The following NASP variants were observed in gnomAD, a reference collection of about 807,000 sequenced individuals.
NASP encodes the protein nuclear autoantigenic sperm protein.
A neutral mutation model predicts 89.5 loss-of-function variants in NASP; 24 were observed. That is an observed-to-expected ratio of 0.27 (90% CI 0.19 to 0.38). The LOEUF is 0.38. Ranked by LOEUF, NASP falls within the 10% of genes least tolerant of loss-of-function variation. The probability of loss-of-function intolerance (pLI) is 1.00; values close to 1 mark genes in which losing one functional copy is unlikely to be tolerated. For missense variants in NASP, 848 were observed against 921.4 expected, an observed-to-expected ratio of 0.92 and a Z score of 1.03; for synonymous variants, 306 against 324.7, an observed-to-expected ratio of 0.94 and a Z score of 0.62.
In NASP at chr1:45,608,180, G is replaced by A. The variant is rs1436696199; in HGVS notation, c.1269G>A (p.Glu423=). The change falls in exon 6 of 15, where the codon GAG becomes GAA. Residue 423 remains glutamate, a synonymous_variant. Transcript: ENST00000350030. The part of the protein sequence containing the change: ...KVRAKLVPSQ[E]ETKLSVEESE... ...GGGCAAAGCTGGTTCCTAGTCAGGA[G>A]GAGACTAAGCTGTCTGTAGAAGAGT... The A allele has an allele frequency of 1.9e-6, 3 of 1,614,206 alleles. No individual in the cohort carries two copies. In the East Asian group the frequency reaches 6.7e-5, roughly 36 times the overall value.
intron 5 of NASP, 102 bp from the exon 6 acceptor site, chr1:45,607,218 AG>A (rs778874670): frequency 3.5e-5 from 42 of 1,205,928 alleles, no homozygotes; most frequent in Non-Finnish European, 4.6e-5. Context: ...GAAACTTGGT[AG>A]GCTTTTTGAG....
At chr1:45,615,567 G>A (rs2148374082) in intron 11 of NASP, 96 bp downstream of exon 11, 1 of 1,169,468 alleles carries the variant, frequency 8.6e-7, no homozygotes, top group Non-Finnish European at 1.2e-6. Flanking sequence ...TGGTTTCCAG[G>A]GAGTTGGTGG....
intron 2 of NASP, among the ~76,000 whole-genome samples, chr1:45,598,120 T>G (rs1345880888): frequency 6.6e-6 from 1 of 152,046 alleles, no homozygotes; most frequent in Non-Finnish European, 1.5e-5. Flanking sequence ...ATTTCTCAGC[T>G]CTCTGAGTTA....
Position 45,618,280 on chromosome 1 carries a change from T to C in NASP, c.*139T>C, listed in dbSNP as rs1291229727. On this transcript the variant is annotated 3_prime_UTR_variant, in exon 15 of 15. Coordinates refer to ENST00000350030, the MANE Select transcript of NASP (RefSeq NM_002482.4). ...GCTTTGATGGTTTTTTTCTTAATTA[T>C]TGGCTGAATCTGCCTTGGAGCACTG... 2.9e-6 allele frequency: 2 copies of C among 699,892 alleles called. No homozygotes were observed. The highest frequency in any genetic ancestry group is 4.7e-6 in the Non-Finnish European group (2 of 423,482). The allele number at this position is 699,892 out of a possible 1,614,324, so 43.4% of individuals were successfully genotyped here.
chr1:45,597,697 G>GC (rs1317030936), intron 2 of NASP, among the ~76,000 whole-genome samples: 1 of 152,068 alleles, frequency 6.6e-6, no homozygotes, highest in Non-Finnish European at 1.5e-5. Context: ...GAGGCTTTTT[G>GC]GGGGGCTTCA....
At position 45,602,328 on chromosome 1, in the gene NASP, G is replaced by A; in HGVS notation, c.181G>A (p.Ala61Thr). The A allele has an allele frequency of 6.2e-7, 1 of 1,613,656 alleles. No individual in the cohort carries two copies. The highest frequency in any genetic ancestry group is 8.5e-7 in the Non-Finnish European group (1 of 1,179,694). ...ACATCTGGTGATGGGGGATATTCCA[G>A]CAGCTGTCAATGCATTCCAGGAAGC... ...QKHLVMGDIP[A>T]AVNAFQEAAS... Residue 61 changes from alanine (A) to threonine (T), a missense_variant, in exon 3 of 15, where the codon GCA becomes ACA. By Grantham distance (58) the Ala-to-Thr change is moderately conservative. Coordinates refer to ENST00000350030, the MANE Select transcript of NASP (RefSeq NM_002482.4).
intron 6 of NASP, 61 bp from the exon 7 acceptor site, chr1:45,613,108 T>C: frequency 6.5e-7 from 1 of 1,547,266 alleles, no homozygotes; most frequent in African/African-American, 1.4e-5. Flanking sequence ...TATTGGAATC[T>C]CTGACTAGTC....
chr1:45,607,144 T>C, intron 5 of NASP, 177 bp from the exon 6 acceptor site: 1 of 641,354 alleles, frequency 1.6e-6, no homozygotes, highest in Non-Finnish European at 2.7e-6. Context: ...AGTAAGTTGC[T>C]CTGCTAGCCG....
chr1:45,617,116 T>G, intron 13 of NASP: 1 of 307,284 alleles, frequency 3.3e-6, no homozygotes, highest in Non-Finnish European at 6.1e-6. Context: ...GTGCTGGGAT[T>G]ATAAGCGTGA....
In NASP at chr1:45,607,521, G is replaced by C. The variant is rs921079372; in HGVS notation, c.610G>C (p.Asp204His). The change falls in exon 6 of 15, where the codon GAT (aspartate) becomes CAT (histidine). Residue 204 changes from aspartate (D) to histidine (H), a missense_variant. Asp to His is a moderately conservative substitution (Grantham distance 81, BLOSUM62 -1). This residue lies in a region of NASP where 464 missense variants were observed against 469.4 expected (regional missense o/e 0.99). Transcript: ENST00000350030. ...ACAGGAAAAAGTTGACTTGACTCTA[G>C]ATTGGTTAACTGAAACCTCTGAAGA... ...EPQEKVDLTL[D>H]WLTETSEEAK... The C allele has an allele frequency of 1.2e-6, 2 of 1,614,076 alleles. No individual in the cohort carries two copies. Among genetic ancestry groups the C allele is most frequent in the Non-Finnish European group, 1.7e-6 (2 of 1,179,978 alleles).
At position 45,608,343 on chromosome 1, in the gene NASP, C is replaced by G; in HGVS notation, c.1426+6C>G. The G allele has an allele frequency of 6.3e-7, 1 of 1,596,582 alleles. No homozygotes were observed. Among genetic ancestry groups the G allele is most frequent in the South Asian group, 1.1e-5 (1 of 88,702 alleles). ...ACAGATGAAAGAGGGTGAAGGTAAC[C>G]GGGATATGCAAGAGCTGCAGTGGGT... On this transcript the variant is annotated splice_donor_region_variant and intron_variant, in intron 6 of 14. Transcript: ENST00000350030.
intron 1 of NASP, among the ~76,000 whole-genome samples, chr1:45,587,334 G>A (rs1330733112): frequency 1.3e-5 from 2 of 151,054 alleles, no homozygotes; most frequent in Non-Finnish European, 3.0e-5. Flanking sequence ...CTGCAGGTGT[G>A]TACCACCACA....
At chr1:45,586,239 C>CGTGTGTGTGTGTGTGTGT (rs537983711) in intron 1 of NASP, among the ~76,000 whole-genome samples, 64 of 110,284 alleles carry the variant, frequency 5.8e-4, no homozygotes, top group Middle Eastern at 4.3e-3. Flanking sequence ...CCTACCGTGC[C>CGTGTGTGTGTGTGTGTGT]GTGTGTGTGT....
chr1:45,608,111 A>G lies in NASP; in HGVS notation c.1200A>G (p.Arg400=). The change falls in exon 6 of 15, where the codon AGA becomes AGG. Residue 400 remains arginine, a synonymous_variant. Coordinates refer to ENST00000350030, the MANE Select transcript of NASP (RefSeq NM_002482.4). ...TPIEPQTSIE[R]LTETKDGSGL... is the part of the protein sequence containing the mutation. The stretch of plus-strand genomic sequence containing the variant: ...TTGAACCACAGACTTCTATAGAAAG[A>G]CTGACAGAAACAAAAGATGGCTCAG... 1 of 1,614,020 alleles carries G rather than the reference A, an allele frequency of 6.2e-7. No homozygotes were observed. Among genetic ancestry groups the G allele is most frequent in the African/African-American group, 1.3e-5 (1 of 75,044 alleles).
chr1:45,598,377 CCAGTCA>C (rs1452841587), intron 2 of NASP, among the ~76,000 whole-genome samples: 1 of 152,108 alleles, frequency 6.6e-6, no homozygotes, highest in African/African-American at 2.4e-5. Flanking sequence ...GCCATGTTGG[CCAGTCA>C]CTGTGCCTGG....
At chr1:45,613,444 C>T (rs1318983766) in intron 7 of NASP, among the ~76,000 whole-genome samples, 196 bp downstream of exon 7, 1 of 152,156 alleles carries the variant, frequency 6.6e-6, no homozygotes, top group Non-Finnish European at 1.5e-5. Context: ...CCAACATGCC[C>T]AGCTAGTTTG....
intron 1 of NASP, among the ~76,000 whole-genome samples, chr1:45,590,736 A>G (rs1194575793): frequency 1.5e-5 from 2 of 137,738 alleles, no homozygotes; most frequent in East Asian, 2.1e-4. Flanking sequence ...TCTCCCTGAC[A>G]TTGTATTTAA....
chr1:45,587,277 C>T (rs1311818725), intron 1 of NASP, among the ~76,000 whole-genome samples: 4 of 152,028 alleles, frequency 2.6e-5, no homozygotes, highest in African/African-American at 9.6e-5. Flanking sequence ...CCTCCGCCCT[C>T]CCGGATTCAA....
intron 9 of NASP, 89 bp downstream of exon 9, chr1:45,614,455 T>C (rs1644067973): frequency 2.8e-6 from 3 of 1,054,562 alleles, no homozygotes; most frequent in Non-Finnish European, 4.4e-6. Context: ...ACTTGATCTT[T>C]AAAAAGATAG....
Sources: gnomAD v4.1 joint callset for allele counts (sites outside exome capture counted in the v4.1 genomes callset) on GRCh38, gnomAD v4.1.1 for gene constraint, gnomAD v4.1.1 regional missense constraint, MANE v1.5 for transcripts, NCBI Gene and HGNC (gene_info 2026-07-23, HGNC 2026-07-21) for gene names.